The following LRIG1 variants were observed in gnomAD, a reference collection of about 807,000 sequenced individuals.
LRIG1 encodes the protein leucine rich repeats and immunoglobulin like domains 1.
A neutral mutation model predicts 99.2 loss-of-function variants in LRIG1; 48 were observed. The ratio of observed to expected loss-of-function variants is 0.48; its 90% CI spans 0.38 to 0.62. The LOEUF (loss-of-function observed/expected upper bound fraction) is 0.62. Among genes scored for constraint, LRIG1 ranks in the 20% least tolerant of loss-of-function variants. LRIG1 has a pLI of 0.00. For missense variants in LRIG1, 1,646 were observed against 1,434.4 expected (o/e 1.15, Z -2.38); for synonymous variants, 772 against 596.1 (o/e 1.29, Z -4.30).
chr3:66,451,000 C>G (rs1247037584), intron 3 of LRIG1, among the ~76,000 whole-genome samples: 1 of 152,236 alleles, frequency 6.6e-6, no homozygotes, highest in African/African-American at 2.4e-5. Flanking sequence ...TGGGTGCCTT[C>G]ATGTCTTTTT....
intron 3 of LRIG1, among the ~76,000 whole-genome samples, chr3:66,440,568 C>T (rs1703507581): frequency 6.6e-6 from 1 of 152,042 alleles, no homozygotes; most frequent in Non-Finnish European, 1.5e-5. Context: ...TAAATAGACC[C>T]CTCTCCAGTC....
Position 66,381,558 on chromosome 3 carries a change from G to C in LRIG1, c.2691C>G (p.Leu897=). ...THSVACRQPK[L]CAGSAYHKEP... ...CTTTGTGATACGCAGACCCAGCACA[G>C]AGCTTTGGCTGCCTGCAGGCAACGC... Residue 897 remains leucine, a synonymous_variant, in exon 17 of 19, where the codon CTC becomes CTG. Transcript: ENST00000273261. The C allele has an allele frequency of 1.2e-6, 2 of 1,614,126 alleles. No individual in the cohort carries two copies. Among genetic ancestry groups the C allele is most frequent in the Non-Finnish European group, 1.7e-6 (2 of 1,180,018 alleles).
chr3:66,406,153 C>G, intron 8 of LRIG1: 1 of 985,512 alleles, frequency 1.0e-6, no homozygotes, highest in Non-Finnish European at 1.2e-6. Flanking sequence ...GAGGGCAGCT[C>G]TGACTGAAGA....
chr3:66,492,818 A>G (rs567050979), intron 1 of LRIG1, among the ~76,000 whole-genome samples: 6 of 152,176 alleles, frequency 3.9e-5, no homozygotes, highest in Non-Finnish European at 7.3e-5. Context: ...AAATAGTAAT[A>G]AAGACGAAAA....
rs751743412 is a variant in LRIG1, at chr3:66,378,956, A to G, written c.*1307T>C. On this transcript the variant is annotated 3_prime_UTR_variant, in exon 19 of 19. Coordinates refer to ENST00000273261, the MANE Select transcript of LRIG1 (RefSeq NM_015541.3). ...TCCCTCTTTCACATTGCCTCTCAGAAGCAGCAAATTCACATATTTTGTGGA... is the reference window on the plus strand; with the variant it reads ...TCCCTCTTTCACATTGCCTCTCAGAGGCAGCAAATTCACATATTTTGTGGA... 2 of 152,678 alleles carry G rather than the reference A, an allele frequency of 1.3e-5. No individual in the cohort carries two copies. The highest frequency in any genetic ancestry group is 2.9e-5 in the Non-Finnish European group (2 of 68,050). 9.5% of individuals were successfully genotyped at this position (152,678 alleles called of 1,614,324 possible).
At chr3:66,436,778 AT>A (rs1263673040) in intron 3 of LRIG1, among the ~76,000 whole-genome samples, 4 of 152,108 alleles carry the variant, frequency 2.6e-5, no homozygotes. Flanking sequence ...TGAGGAGTGG[AT>A]TTTATCATTC....
At chr3:66,401,618 G>A in intron 9 of LRIG1, 1 of 1,525,892 alleles carries the variant, frequency 6.6e-7, no homozygotes, top group South Asian at 1.2e-5. Flanking sequence ...CCTTCCCCCA[G>A]CAGACATATG....
intron 4 of LRIG1, 22 bp from the exon 5 acceptor site, chr3:66,415,085 A>C (rs1323607655): frequency 6.3e-7 from 1 of 1,581,170 alleles, no homozygotes; most frequent in East Asian, 2.3e-5. Flanking sequence ...CAGAAAAGAA[A>C]ATGTGGTGGT....
At position 66,382,368 on chromosome 3, in the gene LRIG1, C is replaced by T; in HGVS notation, c.2522G>A (p.Ser841Asn). ...DETVVPPDVP[S>N]YLSSQGTLSD... ...AAGGGTCCCCTGAGAAGAGAGGTAGCTTGGAACATCTGGTGGCACGACGGT... is the reference window on the plus strand; with the variant it reads ...AAGGGTCCCCTGAGAAGAGAGGTAGTTTGGAACATCTGGTGGCACGACGGT... Residue 841 changes from serine to asparagine, a missense_variant, in exon 16 of 19, where the codon AGC (serine) becomes AAC (asparagine). Coordinates refer to ENST00000273261, the MANE Select transcript of LRIG1 (RefSeq NM_015541.3). 1 of 1,614,212 alleles carries T rather than the reference C, an allele frequency of 6.2e-7. No individual in the cohort carries two copies. Among genetic ancestry groups the T allele is most frequent in the South Asian group, 1.1e-5 (1 of 91,080 alleles).
chr3:66,489,567 G>C (rs77566031), intron 1 of LRIG1, among the ~76,000 whole-genome samples: 282 of 150,650 alleles, frequency 1.9e-3, no homozygotes, highest in African/African-American at 5.2e-3. Context: ...CACACACACA[G>C]AGAGAGAGAG....
At chr3:66,413,541 C>T (rs1045063200) in intron 5 of LRIG1, among the ~76,000 whole-genome samples, 4 of 152,168 alleles carry the variant, frequency 2.6e-5, no homozygotes, top group Non-Finnish European at 5.9e-5. Context: ...CACATGGGGG[C>T]AGGGGGAGAT....
At chr3:66,486,217 G>A (rs1224662915) in intron 1 of LRIG1, among the ~76,000 whole-genome samples, 30 of 152,202 alleles carry the variant, frequency 2.0e-4, no homozygotes, top group South Asian at 4.2e-4. Flanking sequence ...CTGCTTGTGT[G>A]TTAGGCCCTG....
chr3:66,472,662 A>G (rs368851525), intron 1 of LRIG1, among the ~76,000 whole-genome samples: 22 of 152,340 alleles, frequency 1.4e-4, no homozygotes, highest in African/African-American at 4.8e-4. Context: ...CAGAAGGTAC[A>G]ACCACGGATT....
At chr3:66,405,984 C>T in intron 8 of LRIG1, 1 of 992,670 alleles carries the variant, frequency 1.0e-6, no homozygotes. Context: ...CGAGACATCA[C>T]ACCTGGAGAC....
intron 3 of LRIG1, among the ~76,000 whole-genome samples, chr3:66,423,218 C>T (rs1431373684): frequency 6.6e-6 from 1 of 152,226 alleles, no homozygotes; most frequent in Admixed American, 6.5e-5. Flanking sequence ...TTGAACTCCA[C>T]ATTTTAAAAA....
chr3:66,417,372 T>C lies in LRIG1; in HGVS notation c.366-106A>G, dbSNP rs1402973168. ...CCCCACCAATATAACTACAATGCAG[T>C]GACGCTCTTAAAAATGAGATCTCCT... is the stretch of plus-strand genomic sequence containing the variant. On this transcript the variant is annotated intron_variant, in intron 3 of 18. Coordinates refer to ENST00000273261, the MANE Select transcript of LRIG1 (RefSeq NM_015541.3). The C allele has an allele frequency of 5.3e-6, 6 of 1,142,186 alleles. No individual in the cohort carries two copies. In the African/African-American group the frequency reaches 7.7e-5, roughly 15 times the overall value. The allele number at this position is 1,142,186 out of a possible 1,614,324, so 70.8% of individuals were successfully genotyped here.
At chr3:66,437,015 T>C (rs1298875779) in intron 3 of LRIG1, among the ~76,000 whole-genome samples, 1 of 152,132 alleles carries the variant, frequency 6.6e-6, no homozygotes, top group Non-Finnish European at 1.5e-5. Flanking sequence ...AGCACTCTTT[T>C]CCCCCTCAAT....
chr3:66,471,512 T>A (rs1700595043), intron 1 of LRIG1, among the ~76,000 whole-genome samples: 1 of 152,180 alleles, frequency 6.6e-6, no homozygotes, highest in Admixed American at 6.5e-5. Context: ...CGAGGTGCCC[T>A]GACAGCCTAG....
chr3:66,387,518 C>T (rs947678110), intron 12 of LRIG1: 1 of 152,250 alleles, frequency 6.6e-6, no homozygotes, highest in South Asian at 2.1e-4. Flanking sequence ...CTTTATATAG[C>T]CTTTGTCCAG....
Sources: gnomAD v4.1 joint callset for allele counts (sites outside exome capture counted in the v4.1 genomes callset) on GRCh38, gnomAD v4.1.1 for gene constraint, MANE v1.5 for transcripts, NCBI Gene and HGNC (gene_info 2026-07-23, HGNC 2026-07-21) for gene names.